SUSD6: variants seen among roughly 807,000 people sequenced by gnomAD.
The protein encoded by SUSD6 is sushi domain-containing protein 6.
A neutral mutation model predicts 28.4 loss-of-function variants in SUSD6; 16 were observed. The observed-to-expected ratio is 0.56, with a 90% confidence interval of 0.38 to 0.86. The LOEUF (loss-of-function observed/expected upper bound fraction) is 0.86, where lower values mean the gene tolerates loss of function less well. Ranked by LOEUF, SUSD6 falls within the 40% of genes least tolerant of loss-of-function variation. The pLI is 0.00. For synonymous variants in SUSD6, 147 were observed against 159.6 expected (o/e 0.92, Z 0.59); for missense variants, 341 against 384.2 (o/e 0.89, Z 0.94).
intron 1 of SUSD6, among the ~76,000 whole-genome samples, chr14:69,651,672 A>G (rs1404972986): frequency 6.6e-6 from 1 of 152,228 alleles, no homozygotes; most frequent in Non-Finnish European, 1.5e-5. Flanking sequence ...CAATGGGAGA[A>G]GATAGAAGGC....
chr14:69,668,300 A>G (rs1290480282), intron 2 of SUSD6, among the ~76,000 whole-genome samples: 1 of 152,202 alleles, frequency 6.6e-6, no homozygotes, highest in Non-Finnish European at 1.5e-5. Context: ...TTTCGAACCC[A>G]GTGTGGATCC....
At chr14:69,618,067 A>G (rs1033209924) in intron 1 of SUSD6, among the ~76,000 whole-genome samples, 13 of 152,290 alleles carry the variant, frequency 8.5e-5, no homozygotes, top group African/African-American at 3.1e-4. Context: ...CATCATGCCA[A>G]CCATATTAAT....
chr14:69,709,140 C>T (rs1448300621), intron 5 of SUSD6, 36 bp downstream of exon 5: 1 of 1,502,092 alleles, frequency 6.7e-7, no homozygotes, highest in African/African-American at 1.4e-5. Context: ...TTATTAGCTG[C>T]TTAGGGTCCT....
chr14:69,630,987 G>A (rs1240856647), intron 1 of SUSD6, among the ~76,000 whole-genome samples: 1 of 152,186 alleles, frequency 6.6e-6, no homozygotes, highest in Admixed American at 6.5e-5. Context: ...TTAACATGAG[G>A]TGCCTGTGAC....
At chr14:69,660,628 T>C (rs916889150) in intron 2 of SUSD6, among the ~76,000 whole-genome samples, 2 of 152,254 alleles carry the variant, frequency 1.3e-5, no homozygotes, top group East Asian at 1.9e-4. Context: ...ACTGTGTCTT[T>C]AGAGCAGAAG....
At chr14:69,683,950 T>A (rs1248219777) in intron 2 of SUSD6, among the ~76,000 whole-genome samples, 1 of 152,212 alleles carries the variant, frequency 6.6e-6, no homozygotes, top group East Asian at 1.9e-4. Flanking sequence ...GGTCCCATAG[T>A]GGTGCCTATG....
chr14:69,703,909 A>G, intron 3 of SUSD6: 2 of 401,966 alleles, frequency 5.0e-6, no homozygotes, highest in Non-Finnish European at 9.2e-6. Context: ...GCACAATGCT[A>G]ATACCTTCTC....
intron 2 of SUSD6, among the ~76,000 whole-genome samples, chr14:69,667,370 CTTTTTTTT>C (rs10611584): frequency 4.1e-5 from 3 of 73,312 alleles, no homozygotes; most frequent in African/African-American, 1.1e-4. Flanking sequence ...CTCACAGTTT[CTTTTTTTT>C]TTTTTTTTTT....
rs1555343344 is a variant in SUSD6 at position 69,639,959 on chromosome 14, T to TTTTTGTTTTG, written c.-80-18550_-80-18549insGTTTTGTTTT. ...GTCCCTCTGGGGCACCTACACTGTT[T>TTTTTGTTTTG]TTTTTTTTTTTTTTTTTTTTGCGGG... is the stretch of plus-strand genomic sequence containing the variant. On this transcript the variant is annotated intron_variant, in intron 1 of 5. Transcript: ENST00000342745. Among the ~76,000 whole-genome samples the TTTTTGTTTTG allele has an allele frequency of 1.3e-3, 182 of 140,058 alleles. 2 individuals are homozygous for TTTTTGTTTTG. The highest frequency in any genetic ancestry group is 5.1e-3 in the African/African-American group (172 of 33,916). The allele number at this position is 140,058 out of a possible 152,430, so 91.9% of individuals were successfully genotyped here.
At position 69,655,570 on chromosome 14, in the gene SUSD6, G is replaced by A. The variant is rs553170673; in HGVS notation, c.-80-2943G>A. Reference sequence around the variant, plus strand: ...TCAGCCCTTTGGGAGGCTGAGTTAGGAGTATCACTTGAGGCCAGAAGTTTG... The same window carrying A: ...TCAGCCCTTTGGGAGGCTGAGTTAGAAGTATCACTTGAGGCCAGAAGTTTG... On this transcript the variant is annotated intron_variant, in intron 1 of 5. Coordinates refer to ENST00000342745, the MANE Select transcript of SUSD6 (RefSeq NM_014734.4). Among the ~76,000 whole-genome samples the A allele has an allele frequency of 1.1e-3, 174 of 152,142 alleles. 1 individual carries two copies. Among genetic ancestry groups the A allele is most frequent in the Non-Finnish European group, 2.1e-3 (143 of 67,994 alleles).
intron 2 of SUSD6, among the ~76,000 whole-genome samples, chr14:69,666,458 T>C (rs935165949): frequency 2.6e-5 from 4 of 152,248 alleles, no homozygotes; most frequent in African/African-American, 9.6e-5. Context: ...AAAGACATTT[T>C]TTATTTCGTC....
At chr14:69,647,318 A>G (rs937301029) in intron 1 of SUSD6, among the ~76,000 whole-genome samples, 5 of 152,176 alleles carry the variant, frequency 3.3e-5, no homozygotes, top group African/African-American at 7.2e-5. Context: ...TCACTCTGCT[A>G]TCTTTTAGGG....
Position 69,713,160 on chromosome 14 carries a change from G to A in SUSD6, c.*2181G>A, listed in dbSNP as rs1199365335. 1 of 152,162 alleles carries A rather than the reference G, an allele frequency of 6.6e-6. No individual in the cohort carries two copies. Among genetic ancestry groups the A allele is most frequent in the African/African-American group, 2.4e-5 (1 of 41,426 alleles). The allele number at this position is 152,162 out of a possible 1,614,324, so 9.4% of individuals were successfully genotyped here. A position where few individuals can be genotyped will look rare whatever the true frequency, so the allele number is the denominator to read the frequency against. ...TTCTATCTTGTTACTCTGGGGTTTT[G>A]TCCCCCTAAGAGATTGCACTTTTTG... is the stretch of plus-strand genomic sequence containing the variant. On this transcript the variant is annotated 3_prime_UTR_variant, in exon 6 of 6. Transcript: ENST00000342745.
chr14:69,616,568 G>A (rs1884962180), intron 1 of SUSD6, among the ~76,000 whole-genome samples: 1 of 152,170 alleles, frequency 6.6e-6, no homozygotes, highest in African/African-American at 2.4e-5. Flanking sequence ...ACTGCAAAAA[G>A]GGTACAAGGT....
chr14:69,635,305 A>C (rs1595035530), intron 1 of SUSD6, among the ~76,000 whole-genome samples: 1 of 152,342 alleles, frequency 6.6e-6, no homozygotes, highest in South Asian at 2.1e-4. Flanking sequence ...TTTTTGGAAT[A>C]GGGTGTATTG....
In SUSD6 at chr14:69,711,261, T is replaced by C. The variant is rs1298042072; in HGVS notation, c.*282T>C. The C allele has an allele frequency of 1.4e-5, 7 of 487,388 alleles. No individual in the cohort carries two copies. Among genetic ancestry groups the C allele is most frequent in the African/African-American group, 1.4e-4 (7 of 51,180 alleles). The allele number at this position is 487,388 out of a possible 1,614,324, so 30.2% of individuals were successfully genotyped here. A position where few individuals can be genotyped will look rare whatever the true frequency, so the allele number is the denominator to read the frequency against. On this transcript the variant is annotated 3_prime_UTR_variant, in exon 6 of 6. Coordinates refer to ENST00000342745, the MANE Select transcript of SUSD6 (RefSeq NM_014734.4). Reference sequence around the variant, plus strand: ...TGAATGTGCTGGATCAAACCCTCCCTTTTCCTAAGCCTCTGGGTCCCCTCC... The same window carrying C: ...TGAATGTGCTGGATCAAACCCTCCCCTTTCCTAAGCCTCTGGGTCCCCTCC...
In SUSD6 at chr14:69,711,475, T is replaced by G. The variant is rs1162314652; in HGVS notation, c.*496T>G. 1 of 158,136 alleles carries G rather than the reference T, an allele frequency of 6.3e-6. No individual in the cohort carries two copies. The highest frequency in any genetic ancestry group is 2.4e-5 in the African/African-American group (1 of 41,576). The allele number at this position is 158,136 out of a possible 1,614,324, so 9.8% of individuals were successfully genotyped here. A position where few individuals can be genotyped will look rare whatever the true frequency, so the allele number is the denominator to read the frequency against. On this transcript the variant is annotated 3_prime_UTR_variant, in exon 6 of 6. Coordinates refer to ENST00000342745, the MANE Select transcript of SUSD6 (RefSeq NM_014734.4). The stretch of plus-strand genomic sequence containing the variant: ...GGGCCTGGGTCTGTCCTGTTTCCTT[T>G]GAGGGTTGCCCCTACTGCCCTTTGC...
chr14:69,627,771 T>C (rs1191684492), intron 1 of SUSD6, among the ~76,000 whole-genome samples: 1 of 151,980 alleles, frequency 6.6e-6, no homozygotes, highest in Non-Finnish European at 1.5e-5. Flanking sequence ...GCCCAGATGG[T>C]ATTTCTAGTA....
At chr14:69,655,044 C>T (rs192710830) in intron 1 of SUSD6, among the ~76,000 whole-genome samples, 2 of 152,196 alleles carry the variant, frequency 1.3e-5, no homozygotes, top group East Asian at 1.9e-4. Flanking sequence ...CCACCCGCCT[C>T]GGCCTCCCAA....
Sources: gnomAD v4.1 joint callset for allele counts (sites outside exome capture counted in the v4.1 genomes callset) on GRCh38, gnomAD v4.1.1 for gene constraint, MANE v1.5 for transcripts, NCBI Gene and HGNC (gene_info 2026-07-23, HGNC 2026-07-21) for gene names.